Variants in MED13 observed in about 807,000 individuals in gnomAD.
MED13 encodes mediator complex subunit 13.
Under a neutral mutation model 225.2 loss-of-function variants are expected in MED13, and 23 were observed. That is an observed-to-expected ratio of 0.10 (90% CI 0.07 to 0.14). The LOEUF (loss-of-function observed/expected upper bound fraction) is 0.14, where lower values mean the gene tolerates loss of function less well. MED13 is among the 10% of genes least tolerant of loss of function. MED13 has a pLI of 1.00. For missense variants in MED13, 2,197 were observed against 2,594.5 expected, an observed-to-expected ratio of 0.85 and a Z score of 3.33; for synonymous variants, 942 against 889.2, an observed-to-expected ratio of 1.06 and a Z score of -1.06.
intron 9 of MED13, among the ~76,000 whole-genome samples, chr17:62,001,112 T>TA (rs1385623294): frequency 2.3e-4 from 35 of 152,222 alleles, no homozygotes; most frequent in Non-Finnish European, 8.8e-5. Context: ...AACGCTACTT[T>TA]AAAAAAATCA....
At chr17:61,995,618 A>T (rs1342968318) in intron 9 of MED13, among the ~76,000 whole-genome samples, 1 of 152,182 alleles carries the variant, frequency 6.6e-6, no homozygotes, top group Non-Finnish European at 1.5e-5. Flanking sequence ...TCTTTAGGTA[A>T]TTCACGGTTT....
At chr17:62,037,844 A>G (rs1191291541) in intron 3 of MED13, among the ~76,000 whole-genome samples, 1 of 149,626 alleles carries the variant, frequency 6.7e-6, no homozygotes, top group Non-Finnish European at 1.5e-5. Flanking sequence ...AATCCCAGTT[A>G]CTAAGGAGGC....
intron 15 of MED13, among the ~76,000 whole-genome samples, chr17:61,983,970 C>A (rs149533868): frequency 7.2e-4 from 109 of 152,228 alleles, no homozygotes; most frequent in Admixed American, 1.7e-3. Context: ...TCAAGGGATA[C>A]GCCTGCCTTG....
intron 2 of MED13, among the ~76,000 whole-genome samples, chr17:62,054,277 G>T (rs749372723): frequency 6.6e-5 from 10 of 151,640 alleles, no homozygotes; most frequent in Non-Finnish European, 1.0e-4. Context: ...CTCCAGCCTG[G>T]GACAGAGTGA....
At chr17:62,060,287 C>T (rs1232658295) in intron 2 of MED13, among the ~76,000 whole-genome samples, 1 of 150,620 alleles carries the variant, frequency 6.6e-6, no homozygotes, top group Admixed American at 6.6e-5. Context: ...AGCAAGACTC[C>T]ATCTCAAAAA....
chr17:62,052,475 T>C, intron 3 of MED13, 62 bp downstream of exon 3: 1 of 1,295,126 alleles, frequency 7.7e-7, no homozygotes, highest in South Asian at 1.7e-5. Context: ...CCACATTCTC[T>C]GTTAAGACAC....
At chr17:62,058,084 C>T (rs2081009240) in intron 2 of MED13, among the ~76,000 whole-genome samples, 1 of 152,212 alleles carries the variant, frequency 6.6e-6, no homozygotes, top group African/African-American at 2.4e-5. Flanking sequence ...ATTAACAGTA[C>T]ACTTAAAAGT....
At chr17:61,993,029 T>G (rs1207650576) in intron 10 of MED13, among the ~76,000 whole-genome samples, 2 of 151,782 alleles carry the variant, frequency 1.3e-5, no homozygotes, top group Non-Finnish European at 2.9e-5. Context: ...CCTCCCAAAG[T>G]GCTGGGATTA....
intron 9 of MED13, among the ~76,000 whole-genome samples, chr17:62,003,016 T>C (rs969300207): frequency 1.3e-5 from 2 of 152,130 alleles, no homozygotes; most frequent in Non-Finnish European, 2.9e-5. Context: ...CACCCCAAGG[T>C]GATAACCAAA....
At chr17:61,983,733 T>TTTTA (rs1567958801) in intron 15 of MED13, among the ~76,000 whole-genome samples, 3 of 109,324 alleles carry the variant, frequency 2.7e-5, no homozygotes, top group African/African-American at 9.4e-5. Flanking sequence ...CAATTAACCT[T>TTTTA]TTTTTTTTTT....
chr17:62,058,174 C>T (rs2081009983), intron 2 of MED13, among the ~76,000 whole-genome samples: 2 of 152,090 alleles, frequency 1.3e-5, no homozygotes, highest in African/African-American at 4.8e-5. Context: ...ATACCTCTTT[C>T]ACCCACTATC....
intron 8 of MED13, among the ~76,000 whole-genome samples, chr17:62,026,895 T>C (rs1412876376): frequency 6.6e-6 from 1 of 152,040 alleles, no homozygotes; most frequent in Non-Finnish European, 1.5e-5. Context: ...GTTAAAGATC[T>C]CTACAATAAG....
intron 3 of MED13, among the ~76,000 whole-genome samples, chr17:62,049,070 A>C: frequency 6.7e-6 from 1 of 148,750 alleles, no homozygotes; most frequent in East Asian, 2.0e-4. Context: ...CCATAACAGT[A>C]AATAAGACAA....
At chr17:62,012,869 G>A (rs376895683) in intron 8 of MED13, among the ~76,000 whole-genome samples, 23 of 150,684 alleles carry the variant, frequency 1.5e-4, no homozygotes, top group African/African-American at 4.9e-4. Flanking sequence ...CTTGGCTCAC[G>A]GCAACCTCCG....
chr17:62,009,116 T>C (rs1341384005), intron 9 of MED13, among the ~76,000 whole-genome samples: 2 of 152,200 alleles, frequency 1.3e-5, no homozygotes, highest in African/African-American at 4.8e-5. Flanking sequence ...CTTGTACTAA[T>C]AAATAGGTAG....
intron 9 of MED13, 133 bp from the exon 10 acceptor site, chr17:61,995,498 G>T: frequency 1.7e-6 from 1 of 593,636 alleles, no homozygotes; most frequent in Non-Finnish European, 2.7e-6. Flanking sequence ...TCAGAAATGA[G>T]GAGGCATGAA....
intron 16 of MED13, among the ~76,000 whole-genome samples, chr17:61,976,108 C>T (rs776268955): frequency 4.6e-5 from 7 of 152,148 alleles, no homozygotes; most frequent in Non-Finnish European, 1.0e-4. Flanking sequence ...AAAACTTGTA[C>T]ACAAATGTTC....
chr17:62,010,721 T>C lies in MED13; in HGVS notation c.1796A>G (p.Tyr599Cys). 1 of 1,609,850 alleles carries C rather than the reference T, an allele frequency of 6.2e-7. No homozygotes were observed. Among genetic ancestry groups the C allele is most frequent in the Non-Finnish European group, 8.5e-7 (1 of 1,177,514 alleles). Reference sequence around the variant, plus strand: ...TTCCAAGTTTACTGCTGTACCAACATATACTGTAGGTTCTACAGCTTCCTG... The same window carrying C: ...TTCCAAGTTTACTGCTGTACCAACACATACTGTAGGTTCTACAGCTTCCTG... ...QYQEAVEPTV[Y>C]VGTAVNLEED... Residue 599 changes from tyrosine (Y) to cysteine (C), a missense_variant, in exon 9 of 30, where the codon TAT becomes TGT. Transcript: ENST00000397786.
chr17:62,011,988 G>C (rs2080513824), intron 8 of MED13, among the ~76,000 whole-genome samples: 1 of 152,126 alleles, frequency 6.6e-6, no homozygotes, highest in African/African-American at 2.4e-5. Context: ...AGGATGAGGT[G>C]GGCGGATCAC....
Sources: allele counts gnomAD v4.1 joint callset (sites outside exome capture counted in the v4.1 genomes callset), GRCh38; gene constraint gnomAD v4.1.1; transcripts MANE v1.5; gene names NCBI Gene and HGNC (gene_info 2026-07-23, HGNC 2026-07-21).